Variants in STK38L observed in about 807,000 individuals in gnomAD.
STK38L encodes serine/threonine-protein kinase 38-like.
In STK38L, 28 loss-of-function variants were observed where a neutral mutation model predicts 59.7. The observed-to-expected ratio is 0.47, with a 90% CI of 0.35 to 0.64. STK38L has a LOEUF of 0.64. STK38L is among the 30% of genes least tolerant of loss of function. The pLI is 0.01. For synonymous variants in STK38L, 162 were observed against 176.8 expected (o/e 0.92, Z 0.66); for missense variants, 314 against 555.8 (o/e 0.56, Z 4.37).
At chr12:27,275,997 C>T (rs533618652) in intron 1 of STK38L, among the ~76,000 whole-genome samples, 3 of 152,298 alleles carry the variant, frequency 2.0e-5, no homozygotes, top group East Asian at 3.9e-4. Flanking sequence ...CCCTGATCCC[C>T]TTGCCATGGA....
rs1174904786 is a variant in STK38L at position 27,322,233 on chromosome 12, A to G, written c.1266A>G (p.Pro422=). 5 of 1,613,844 alleles carry G rather than the reference A, an allele frequency of 3.1e-6. No individual in the cohort carries two copies. The change falls in exon 13 of 14, where the codon CCA becomes CCG. Residue 422 remains proline (P), a splice_region_variant and synonymous_variant. Transcript: ENST00000389032. ...TCCCTGAATCTGATATTTTACAACCAGGTAAGACAATCTGTAATGTAACTA... is the reference window on the plus strand; with the variant it reads ...TCCCTGAATCTGATATTTTACAACCGGGTAAGACAATCTGTAATGTAACTA... The part of the protein sequence containing the change: ...DDFPESDILQ[P]VPNTTEPDYK...
At chr12:27,318,377 A>C (rs1944638717) in intron 11 of STK38L, among the ~76,000 whole-genome samples, 1 of 152,232 alleles carries the variant, frequency 6.6e-6, no homozygotes, top group Non-Finnish European at 1.5e-5. Context: ...AAAAAATTCC[A>C]TGTGTTCCTC....
rs144836587 is a variant in STK38L, at chr12:27,282,889, C to T, written c.-11-14821C>T. ...TGCTGATCGCTTAGTTTAAGAGAAA[C>T]CAGGGTTCAAAAGCTGGCTTCACCA... On this transcript the variant is annotated intron_variant, in intron 1 of 13. Transcript: ENST00000389032. 3.5e-4 allele frequency among the ~76,000 whole-genome samples: 54 copies of T among 152,214 alleles called. No homozygotes were observed. In the East Asian group the frequency reaches 8.3e-3, roughly 23 times the overall value.
chr12:27,274,191 C>T (rs981070287), intron 1 of STK38L, among the ~76,000 whole-genome samples: 2 of 149,892 alleles, frequency 1.3e-5, no homozygotes, highest in African/African-American at 4.9e-5. Flanking sequence ...AGGCCAAGAG[C>T]GCGCCACTGC....
chr12:27,285,648 T>A (rs1943755690), intron 1 of STK38L, among the ~76,000 whole-genome samples: 1 of 152,206 alleles, frequency 6.6e-6, no homozygotes, highest in Non-Finnish European at 1.5e-5. Flanking sequence ...TCCTGCCTTG[T>A]CCATTCATCA....
At chr12:27,285,682 C>T (rs1001998252) in intron 1 of STK38L, among the ~76,000 whole-genome samples, 1 of 152,150 alleles carries the variant, frequency 6.6e-6, no homozygotes, top group Admixed American at 6.5e-5. Flanking sequence ...CACACCAAAC[C>T]TTCACTTTTT....
intron 1 of STK38L, among the ~76,000 whole-genome samples, chr12:27,271,615 A>G (rs1211980413): frequency 1.3e-5 from 2 of 152,268 alleles, no homozygotes; most frequent in Admixed American, 6.5e-5. Flanking sequence ...GTTACTGTGC[A>G]GTTGAGATAG....
chr12:27,281,873 A>G (rs1368214371), intron 1 of STK38L, among the ~76,000 whole-genome samples: 2 of 152,002 alleles, frequency 1.3e-5, no homozygotes, highest in Non-Finnish European at 2.9e-5. Flanking sequence ...CCTGTCTACT[A>G]AAAATACAAA....
chr12:27,295,162 A>G (rs1263815910), intron 1 of STK38L, among the ~76,000 whole-genome samples: 1 of 152,194 alleles, frequency 6.6e-6, no homozygotes, highest in Non-Finnish European at 1.5e-5. Flanking sequence ...ATTTTTCATT[A>G]TTTATTGTTT....
At chr12:27,296,845 T>G (rs1944037076) in intron 1 of STK38L, among the ~76,000 whole-genome samples, 1 of 152,244 alleles carries the variant, frequency 6.6e-6, no homozygotes, top group Admixed American at 6.5e-5. Context: ...TTTGCCACAC[T>G]CCTTATCTAA....
At chr12:27,305,825 T>C (rs1279028019) in intron 3 of STK38L, among the ~76,000 whole-genome samples, 4 of 152,236 alleles carry the variant, frequency 2.6e-5, no homozygotes, top group Admixed American at 2.6e-4. Flanking sequence ...GTTCAAGCTA[T>C]AAAAGAGAGT....
chr12:27,244,703 C>T (rs1306881373), intron 1 of STK38L, among the ~76,000 whole-genome samples: 1 of 152,186 alleles, frequency 6.6e-6, no homozygotes, highest in Non-Finnish European at 1.5e-5. Flanking sequence ...CCGTCCCGTG[C>T]CCTCCAGCCG....
At position 27,317,347 on chromosome 12, in the gene STK38L, A is replaced by G. The variant is rs773817782; in HGVS notation, c.849A>G (p.Thr283=). Residue 283 remains threonine, a synonymous_variant, in exon 10 of 14, where the codon ACA becomes ACG. Coordinates refer to ENST00000389032, the MANE Select transcript of STK38L (RefSeq NM_015000.4). ...KKNRRQLAYS[T]VGTPDYIAPE... is the part of the protein sequence containing the mutation. The stretch of plus-strand genomic sequence containing the variant: ...TTGCTCCTTTGTAGGCATATTCCAC[A>G]GTTGGGACACCAGATTACATTGCTC... 1.9e-6 allele frequency: 3 copies of G among 1,607,528 alleles called. No homozygotes were observed. The highest frequency in any genetic ancestry group is 2.7e-5 in the African/African-American group (2 of 74,730).
In STK38L at chr12:27,309,101, T is replaced by C. The variant is rs1002358915; in HGVS notation, c.310-13T>C. 1 of 1,556,928 alleles carries C rather than the reference T, an allele frequency of 6.4e-7. No individual in the cohort carries two copies. Among genetic ancestry groups the C allele is most frequent in the East Asian group, 2.3e-5 (1 of 42,968 alleles). On this transcript the variant is annotated splice_polypyrimidine_tract_variant and intron_variant, in intron 4 of 13. Coordinates refer to ENST00000389032, the MANE Select transcript of STK38L (RefSeq NM_015000.4). ...TAGTGACTGTTTTATAATATATGTT[T>C]TTTATCTTTTAGGTGCGGTTGGTCC...
In STK38L at chr12:27,324,465, T is replaced by A. The variant is rs1833160124; in HGVS notation, c.*2010T>A. 6.6e-6 allele frequency: 1 copy of A among 152,102 alleles called. No homozygotes were observed. Among genetic ancestry groups the A allele is most frequent in the Non-Finnish European group, 1.5e-5 (1 of 67,948 alleles). 9.4% of individuals were successfully genotyped at this position (152,102 alleles called of 1,614,324 possible). A position where few individuals can be genotyped will look rare whatever the true frequency, so the allele number is the denominator to read the frequency against. ...TCTAGTATGGTAACTATTCTTGAAA[T>A]GGTATTGAAAAATACCGTTAATTCA... On this transcript the variant is annotated 3_prime_UTR_variant, in exon 14 of 14. Coordinates refer to ENST00000389032, the MANE Select transcript of STK38L (RefSeq NM_015000.4).
chr12:27,297,958 C>G lies in STK38L; in HGVS notation c.134+104C>G, dbSNP rs527929175. The G allele has an allele frequency of 3.1e-3, 4,285 of 1,399,736 alleles. 12 individuals carry two copies. The highest frequency in any genetic ancestry group is 3.8e-3 in the Non-Finnish European group (3,921 of 1,027,938). 86.7% of individuals were successfully genotyped at this position (1,399,736 alleles called of 1,614,324 possible). A position where few individuals can be genotyped will look rare whatever the true frequency, so the allele number is the denominator to read the frequency against. ...TGAATGATATGAATATTATGGATCCCTGCATGCTGTTTTTGAGTTTCCTGT... is the reference window on the plus strand; with the variant it reads ...TGAATGATATGAATATTATGGATCCGTGCATGCTGTTTTTGAGTTTCCTGT... On this transcript the variant is annotated intron_variant, in intron 2 of 13. Coordinates refer to ENST00000389032, the MANE Select transcript of STK38L (RefSeq NM_015000.4).
chr12:27,309,306 C>G (rs1030770249), intron 5 of STK38L, 109 bp downstream of exon 5: 2 of 618,662 alleles, frequency 3.2e-6, no homozygotes, highest in African/African-American at 3.9e-5. Flanking sequence ...ACTACATAAG[C>G]TATTAATTTT....
At chr12:27,287,371 A>G (rs2136631003) in intron 1 of STK38L, among the ~76,000 whole-genome samples, 1 of 152,254 alleles carries the variant, frequency 6.6e-6, no homozygotes, top group Non-Finnish European at 1.5e-5. Flanking sequence ...CAGCCTCTCA[A>G]AGTGCTGGGA....
At chr12:27,263,675 T>A (rs1374856876) in intron 1 of STK38L, among the ~76,000 whole-genome samples, 1 of 152,238 alleles carries the variant, frequency 6.6e-6, no homozygotes, top group Admixed American at 6.5e-5. Context: ...GAACTGAAGT[T>A]GGTCATTTCT....
Sources: allele counts gnomAD v4.1 joint callset (sites outside exome capture counted in the v4.1 genomes callset), GRCh38; gene constraint gnomAD v4.1.1; transcripts MANE v1.5; gene names NCBI Gene and HGNC (gene_info 2026-07-23, HGNC 2026-07-21).